Variants in ABCB4 observed in about 807,000 individuals in gnomAD.
The protein encoded by ABCB4 is phosphatidylcholine translocator ABCB4.
A neutral mutation model predicts 145.7 loss-of-function variants in ABCB4; 76 were observed. That is an observed-to-expected ratio of 0.52 (90% CI 0.43 to 0.63). The LOEUF is 0.63. Ranked by LOEUF, ABCB4 falls within the 30% of genes least tolerant of loss-of-function variation. The probability of loss-of-function intolerance (pLI) is 0.00; values close to 1 mark genes in which losing one functional copy is unlikely to be tolerated. For missense variants in ABCB4, 1,234 were observed against 1,553.1 expected (o/e 0.79, Z 3.45); for synonymous variants, 517 against 566.8 (o/e 0.91, Z 1.25).
the ABCB4 span, among the ~76,000 whole-genome samples, chr7:87,389,190 T>A: frequency 1.2e-4 from 18 of 152,178 alleles, no homozygotes; most frequent in Non-Finnish European, 1.5e-4. Flanking sequence ...GTAAATTAGT[T>A]CAACCATTGC....
intron 23 of ABCB4, among the ~76,000 whole-genome samples, chr7:87,411,106 G>C (rs878859649): frequency 6.6e-6 from 1 of 151,748 alleles, no homozygotes; most frequent in African/African-American, 2.4e-5. Flanking sequence ...TTTCCTGCTG[G>C]GATCCTGATA....
the ABCB4 span, among the ~76,000 whole-genome samples, chr7:87,395,111 T>G: frequency 6.6e-6 from 1 of 152,108 alleles, no homozygotes; most frequent in Non-Finnish European, 1.5e-5. Flanking sequence ...ACTCACACGA[T>G]CACAAGGTCC....
chr7:87,455,831 T>G (rs1273031393), intron 4 of ABCB4, among the ~76,000 whole-genome samples: 1 of 152,188 alleles, frequency 6.6e-6, no homozygotes, highest in African/African-American at 2.4e-5. Flanking sequence ...TGGTGCTGTG[T>G]ATCCTCCTTA....
intron 26 of ABCB4, among the ~76,000 whole-genome samples, chr7:87,404,056 T>C (rs1444346071): frequency 1.3e-5 from 2 of 152,176 alleles, no homozygotes; most frequent in African/African-American, 4.8e-5. Flanking sequence ...TAAGGTCCAG[T>C]GGTCACTTAT....
intron 4 of ABCB4, among the ~76,000 whole-genome samples, chr7:87,456,708 T>C (rs1008624374): frequency 3.3e-5 from 5 of 152,156 alleles, no homozygotes; most frequent in African/African-American, 9.7e-5. Context: ...CCAACTCAAA[T>C]TGACTCTCCC....
chr7:87,384,781 T>A, the ABCB4 span, among the ~76,000 whole-genome samples: 3 of 152,328 alleles, frequency 2.0e-5, no homozygotes, highest in Non-Finnish European at 4.4e-5. Context: ...TCAAGAAATA[T>A]TTGCCCAGTT....
the ABCB4 span, among the ~76,000 whole-genome samples, chr7:87,388,026 A>ACAG: frequency 6.6e-6 from 1 of 152,120 alleles, no homozygotes; most frequent in African/African-American, 2.4e-5. Flanking sequence ...TGGTGGGTCT[A>ACAG]TTACTGGGGA....
At chr7:87,366,643 A>G in the ABCB4 span, among the ~76,000 whole-genome samples, 489 of 152,232 alleles carry the variant, frequency 3.2e-3, 1 homozygote, top group African/African-American at 0.011. Flanking sequence ...TGCTCTCTTC[A>G]TGGCTCCATT....
At chr7:87,386,561 A>G in the ABCB4 span, among the ~76,000 whole-genome samples, 2 of 151,902 alleles carry the variant, frequency 1.3e-5, no homozygotes, top group Non-Finnish European at 2.9e-5. Flanking sequence ...TCCTTATTCT[A>G]CCTACAGATT....
At chr7:87,457,871 G>A (rs17149652) in intron 4 of ABCB4, among the ~76,000 whole-genome samples, 2 of 151,946 alleles carry the variant, frequency 1.3e-5, no homozygotes, top group African/African-American at 4.8e-5. Flanking sequence ...CTGCCTTCCC[G>A]GATTCTGCCC....
chr7:87,398,796 A>C (rs1247215087), downstream of ABCB4: 2 of 710,470 alleles, frequency 2.8e-6, no homozygotes, highest in Non-Finnish European at 4.5e-6. Flanking sequence ...TAGTAGAATC[A>C]TGCTCTCTAA....
chr7:87,384,427 G>A, the ABCB4 span, among the ~76,000 whole-genome samples: 8 of 152,286 alleles, frequency 5.3e-5, no homozygotes, highest in South Asian at 1.7e-3. Flanking sequence ...ACCTACTCAG[G>A]AGGCTGAGGC....
At chr7:87,373,851 A>G in the ABCB4 span, among the ~76,000 whole-genome samples, 535 of 152,196 alleles carry the variant, frequency 3.5e-3, 5 homozygotes, top group African/African-American at 0.012. Context: ...AATGAAAAAG[A>G]CTTCAGTGAC....
At chr7:87,369,368 G>C in the ABCB4 span, 1 of 1,586,234 alleles carries the variant, frequency 6.3e-7, no homozygotes, top group Non-Finnish European at 8.6e-7. Flanking sequence ...TTCTGTTTCT[G>C]TTTCCAGAGA....
At chr7:87,467,733 T>A (rs1046724439) in intron 3 of ABCB4, among the ~76,000 whole-genome samples, 3 of 152,208 alleles carry the variant, frequency 2.0e-5, no homozygotes, top group Non-Finnish European at 2.9e-5. Context: ...AACTCAGGAT[T>A]AAGAAACTCA....
the ABCB4 span, among the ~76,000 whole-genome samples, chr7:87,382,980 A>T: frequency 5.3e-5 from 8 of 152,198 alleles, no homozygotes; most frequent in Admixed American, 5.2e-4. Flanking sequence ...TTTTTCATTG[A>T]TAAATAAGTT....
At chr7:87,406,216 T>C in intron 26 of ABCB4, 72 bp downstream of exon 26, 1 of 1,468,592 alleles carries the variant, frequency 6.8e-7, no homozygotes, top group East Asian at 2.3e-5. Context: ...CAAGATTTTG[T>C]TGGCATAACT....
chr7:87,434,954 A>G (rs564053680), intron 14 of ABCB4, among the ~76,000 whole-genome samples: 2 of 152,352 alleles, frequency 1.3e-5, no homozygotes, highest in South Asian at 2.1e-4. Context: ...AGGTAACTAC[A>G]GTAAGCTGTT....
chr7:87,371,097 C>G, the ABCB4 span, among the ~76,000 whole-genome samples: 2 of 152,158 alleles, frequency 1.3e-5, no homozygotes, highest in African/African-American at 4.8e-5. Flanking sequence ...GTTTATTAAT[C>G]TTTTAATCTT....
Sources: allele counts gnomAD v4.1 joint callset (sites outside exome capture counted in the v4.1 genomes callset), GRCh38; gene constraint gnomAD v4.1.1; transcripts MANE v1.5; gene names NCBI Gene and HGNC (gene_info 2026-07-23, HGNC 2026-07-21).